DPH6: variants seen among roughly 807,000 people sequenced by gnomAD.
The protein encoded by DPH6 is diphthine--ammonia ligase.
DPH6 carries 33 observed loss-of-function variants against 38.2 expected under a neutral mutation model. That is an observed-to-expected ratio of 0.86 (90% CI 0.65 to 1.15). The LOEUF (loss-of-function observed/expected upper bound fraction) is 1.15. DPH6 is among the 50% of genes most tolerant of loss of function. The pLI, the probability that DPH6 is intolerant of heterozygous loss-of-function variation, is 0.00. For missense variants in DPH6, 325 were observed against 320.0 expected, an observed-to-expected ratio of 1.02 and a Z score of -0.12; for synonymous variants, 108 against 103.0, an observed-to-expected ratio of 1.05 and a Z score of -0.30.
chr15:35,509,884 A>G (rs1338385652), intron 3 of DPH6, among the ~76,000 whole-genome samples: 1 of 152,190 alleles, frequency 6.6e-6, no homozygotes, highest in Non-Finnish European at 1.5e-5. Context: ...TTTCCTCAAC[A>G]ATGTTGTAAA....
chr15:35,430,780 A>C (rs960266607), intron 5 of DPH6, among the ~76,000 whole-genome samples: 2 of 152,198 alleles, frequency 1.3e-5, no homozygotes, highest in Admixed American at 1.3e-4. Flanking sequence ...TCAGTTAAAA[A>C]AATTATTATT....
chr15:35,148,241 T>C, the DPH6 span, among the ~76,000 whole-genome samples: 1 of 152,220 alleles, frequency 6.6e-6, no homozygotes, highest in South Asian at 2.1e-4. Flanking sequence ...AGTTATTTCA[T>C]TTTTCTTCCA....
At chr15:35,414,458 T>C (rs981188167) in intron 5 of DPH6, among the ~76,000 whole-genome samples, 1 of 151,848 alleles carries the variant, frequency 6.6e-6, no homozygotes, top group African/African-American at 2.4e-5. Flanking sequence ...CTTAATTCAA[T>C]ATGTCTAGGC....
At chr15:35,514,637 G>T (rs1450904226) in intron 3 of DPH6, among the ~76,000 whole-genome samples, 2 of 151,996 alleles carry the variant, frequency 1.3e-5, no homozygotes, top group East Asian at 3.9e-4. Context: ...TGTTACTTGT[G>T]GTGGAAGCAC....
the DPH6 span, among the ~76,000 whole-genome samples, chr15:35,210,972 T>G: frequency 6.9e-6 from 1 of 144,910 alleles, no homozygotes. Context: ...TTTTTTTTTT[T>G]TTGCAAATCA....
chr15:35,269,751 T>A (rs1244064802), intron 3 of DPH6, among the ~76,000 whole-genome samples: 2 of 149,338 alleles, frequency 1.3e-5, no homozygotes, highest in Non-Finnish European at 3.0e-5. Flanking sequence ...CTTCATTTTA[T>A]GTATTCTTTA....
intron 3 of DPH6, among the ~76,000 whole-genome samples, chr15:35,362,218 G>C (rs1301238072): frequency 6.6e-6 from 1 of 152,104 alleles, no homozygotes; most frequent in African/African-American, 2.4e-5. Flanking sequence ...TCAGAAGCTT[G>C]TGATCTCTTA....
exon 4 of DPH6, chr15:35,217,355 A>T (rs2051416252): frequency 6.6e-6 from 1 of 151,778 alleles, no homozygotes; most frequent in African/African-American, 2.4e-5. Flanking sequence ...TTTTTTATTT[A>T]TTTTTTATTT....
chr15:35,387,965 T>TA (rs1277312814), intron 6 of DPH6, among the ~76,000 whole-genome samples: 3 of 152,070 alleles, frequency 2.0e-5, no homozygotes, highest in African/African-American at 7.2e-5. Flanking sequence ...TTCAGTATGA[T>TA]ATTGGCTGTG....
intron 6 of DPH6, 55 bp from the exon 7 acceptor site, chr15:35,381,971 A>C: frequency 7.5e-7 from 1 of 1,328,740 alleles, no homozygotes; most frequent in Non-Finnish European, 1.1e-6. Context: ...AGACAGCATA[A>C]ATGCTCTCTT....
intron 5 of DPH6, among the ~76,000 whole-genome samples, chr15:35,434,400 A>G (rs1029165069): frequency 1.3e-5 from 2 of 152,248 alleles, no homozygotes; most frequent in Non-Finnish European, 2.9e-5. Context: ...AATATTCCAT[A>G]TAGCAAAAGG....
At chr15:35,455,276 T>C (rs143941311) in intron 3 of DPH6, among the ~76,000 whole-genome samples, 2 of 152,236 alleles carry the variant, frequency 1.3e-5, no homozygotes, top group Admixed American at 1.3e-4. Context: ...ATGATTGAAA[T>C]AGGAGTATCC....
chr15:35,275,173 C>T (rs2051849532), intron 3 of DPH6, among the ~76,000 whole-genome samples: 1 of 152,126 alleles, frequency 6.6e-6, no homozygotes, highest in South Asian at 2.1e-4. Context: ...CCCCAGCCTC[C>T]CAAAGTGCTG....
At chr15:35,465,006 T>C (rs1217937664) in intron 3 of DPH6, among the ~76,000 whole-genome samples, 1 of 152,206 alleles carries the variant, frequency 6.6e-6, no homozygotes, top group Non-Finnish European at 1.5e-5. Flanking sequence ...GAATTAAAGG[T>C]AGAAATCTAG....
chr15:35,435,317 C>CTT (rs3028965), intron 5 of DPH6, among the ~76,000 whole-genome samples: 35,150 of 152,034 alleles, frequency 0.23, 5,665 homozygotes, highest in African/African-American at 0.46. Flanking sequence ...ATAGCCTACA[C>CTT]GTGACAATTA....
intron 3 of DPH6, chr15:35,522,017 A>G (rs2054928987): frequency 6.5e-7 from 1 of 1,531,974 alleles, no homozygotes; most frequent in Non-Finnish European, 8.8e-7. Context: ...AAAAACAGGG[A>G]CAGATCAGCA....
At chr15:35,295,432 C>T (rs549181459) in intron 3 of DPH6, among the ~76,000 whole-genome samples, 31 of 152,328 alleles carry the variant, frequency 2.0e-4, no homozygotes, top group Admixed American at 4.6e-4. Context: ...TTCCCACCCA[C>T]GTTCTAGGAC....
rs58422347 is a variant in DPH6, at chr15:35,542,965, T to TATATATATATATATATATATAAAA, written c.24-459_24-458insTTTTATATATATATATATATATAT. On this transcript the variant is annotated intron_variant, in intron 1 of 8. Coordinates refer to ENST00000256538, the MANE Select transcript of DPH6 (RefSeq NM_080650.4). The stretch of plus-strand genomic sequence containing the variant: ...TAAGGAATATATATATATATATATA[T>TATATATATATATATATATATAAAA]AAAATAATTTCATAGAAATTATTGG... Among the ~76,000 whole-genome samples the TATATATATATATATATATATAAAA allele has an allele frequency of 4.2e-4, 32 of 76,168 alleles. 2 individuals are homozygous for TATATATATATATATATATATAAAA. The highest frequency in any genetic ancestry group is 5.0e-4 in the Non-Finnish European group (19 of 38,352). 50.0% of individuals were successfully genotyped at this position (76,168 alleles called of 152,430 possible).
chr15:35,492,142 A>G (rs1328408323), intron 3 of DPH6, among the ~76,000 whole-genome samples: 4 of 152,116 alleles, frequency 2.6e-5, no homozygotes, highest in Non-Finnish European at 5.9e-5. Flanking sequence ...GGGCAGGAGA[A>G]GATTTATGTT....
Sources: allele counts gnomAD v4.1 joint callset (sites outside exome capture counted in the v4.1 genomes callset), GRCh38; gene constraint gnomAD v4.1.1; transcripts MANE v1.5; gene names NCBI Gene and HGNC (gene_info 2026-07-23, HGNC 2026-07-21).